Variants in FOXP1 observed in about 807,000 individuals in gnomAD.
The protein encoded by FOXP1 is forkhead box protein P1.
In FOXP1, 15 loss-of-function variants were observed where a neutral mutation model predicts 98.2. That is an observed-to-expected ratio of 0.15 (90% CI 0.10 to 0.24). The LOEUF (loss-of-function observed/expected upper bound fraction) is 0.24, where lower values mean the gene tolerates loss of function less well. Among genes scored for constraint, FOXP1 ranks in the 10% least tolerant of loss-of-function variants. The pLI, the probability that FOXP1 is intolerant of heterozygous loss-of-function variation, is 1.00. For synonymous variants in FOXP1, 371 were observed against 314.5 expected, an observed-to-expected ratio of 1.18 and a Z score of -1.90; for missense variants, 633 against 848.5, an observed-to-expected ratio of 0.75 and a Z score of 3.15.
chr3:71,009,392 C>T (rs2043256240), intron 12 of FOXP1, among the ~76,000 whole-genome samples: 1 of 152,040 alleles, frequency 6.6e-6, no homozygotes, highest in African/African-American at 2.4e-5. Flanking sequence ...TTTTGTACCC[C>T]AATGGCAGAG....
intron 19 of FOXP1, among the ~76,000 whole-genome samples, chr3:70,967,701 TTTTTTTTTG>T (rs2035208707): frequency 5.8e-5 from 5 of 86,518 alleles, no homozygotes; most frequent in African/African-American, 3.0e-4. Flanking sequence ...TTTTTTTTTG[TTTTTTTTTG>T]TTTTTTTTTT....
intron 2 of FOXP1, among the ~76,000 whole-genome samples, chr3:71,502,262 CG>C (rs1239246251): frequency 6.6e-6 from 1 of 152,202 alleles, no homozygotes. Flanking sequence ...GGGCAAGTGG[CG>C]GCCCGGTCCC....
At chr3:71,200,851 G>C (rs2063629472) in intron 5 of FOXP1, among the ~76,000 whole-genome samples, 1 of 152,140 alleles carries the variant, frequency 6.6e-6, no homozygotes, top group Admixed American at 6.5e-5. Flanking sequence ...CTACAGACTT[G>C]CACAAAAACC....
chr3:71,389,711 CAG>C (rs2080891233), intron 3 of FOXP1, among the ~76,000 whole-genome samples: 1 of 152,088 alleles, frequency 6.6e-6, no homozygotes, highest in African/African-American at 2.4e-5. Flanking sequence ...TGCCTCATAA[CAG>C]AGGTTCTATT....
rs75866848 is a variant in FOXP1 at position 71,132,389 on chromosome 3, G to T, written c.181-19752C>A. On this transcript the variant is annotated intron_variant, in intron 6 of 20. Coordinates refer to ENST00000649528, the MANE Select transcript of FOXP1 (RefSeq NM_001349338.3). The stretch of plus-strand genomic sequence containing the variant: ...CCTAGTAGCTTTTAAGCCAACTAGG[G>T]CAGTTCTGTAAAGGAATTATCACAA... Among the ~76,000 whole-genome samples the T allele has an allele frequency of 5.2e-3, 795 of 152,176 alleles. 3 individuals carry two copies. The highest frequency in any genetic ancestry group is 0.018 in the African/African-American group (736 of 41,504).
At chr3:71,038,011 G>A (rs1410872635) in intron 11 of FOXP1, among the ~76,000 whole-genome samples, 1 of 152,214 alleles carries the variant, frequency 6.6e-6, no homozygotes, top group African/African-American at 2.4e-5. Context: ...AGGAGAGTAG[G>A]AGTGTCGTGC....
At chr3:71,058,214 TTC>T (rs2050947555) in intron 7 of FOXP1, among the ~76,000 whole-genome samples, 1 of 152,186 alleles carries the variant, frequency 6.6e-6, no homozygotes, top group African/African-American at 2.4e-5. Context: ...TATCATTTTC[TTC>T]TCTCTTCAGT....
intron 5 of FOXP1, among the ~76,000 whole-genome samples, chr3:71,267,627 T>C (rs2069829313): frequency 6.6e-6 from 1 of 152,100 alleles, no homozygotes; most frequent in African/African-American, 2.4e-5. Context: ...CAGGTAAGGG[T>C]GGCAGATGTA....
intron 5 of FOXP1, among the ~76,000 whole-genome samples, chr3:71,215,641 C>T (rs1366576953): frequency 6.8e-6 from 1 of 147,808 alleles, no homozygotes; most frequent in Non-Finnish European, 1.5e-5. Flanking sequence ...TGAACTAACA[C>T]TGAATTCTCA....
chr3:71,057,728 G>A (rs373685959), intron 7 of FOXP1, among the ~76,000 whole-genome samples: 2 of 152,036 alleles, frequency 1.3e-5, no homozygotes, highest in African/African-American at 2.4e-5. Flanking sequence ...AGGAAATCAT[G>A]AATTAAAAAA....
At chr3:71,571,460 C>T (rs548837056) in intron 2 of FOXP1, 1 of 152,312 alleles carries the variant, frequency 6.6e-6, no homozygotes, top group African/African-American at 2.4e-5. Flanking sequence ...TTTTGTTTAA[C>T]ATCTCTAGTC....
intron 3 of FOXP1, among the ~76,000 whole-genome samples, chr3:71,461,220 G>A (rs887511723): frequency 6.6e-6 from 1 of 152,144 alleles, no homozygotes; most frequent in Non-Finnish European, 1.5e-5. Flanking sequence ...GGTGGTGTGA[G>A]TCACACAGAA....
At chr3:71,041,569 A>G (rs1358288458) in intron 10 of FOXP1, 37 bp from the exon 11 acceptor site, 7 of 1,571,896 alleles carry the variant, frequency 4.5e-6, no homozygotes, top group Non-Finnish European at 6.1e-6. Flanking sequence ...ATCAATTAAC[A>G]GCTAATTCCG....
At chr3:71,062,161 T>G (rs1371399853) in intron 7 of FOXP1, among the ~76,000 whole-genome samples, 2 of 152,110 alleles carry the variant, frequency 1.3e-5, no homozygotes, top group Non-Finnish European at 2.9e-5. Flanking sequence ...CAAAAAAAAA[T>G]TCAACCATTC....
chr3:71,514,622 G>A (rs2042428164), intron 2 of FOXP1, among the ~76,000 whole-genome samples: 1 of 152,228 alleles, frequency 6.6e-6, no homozygotes, highest in Non-Finnish European at 1.5e-5. Context: ...GACATTCTGT[G>A]AAGGCTCTCC....
intron 10 of FOXP1, among the ~76,000 whole-genome samples, chr3:71,042,734 G>C (rs538710889): frequency 1.3e-5 from 2 of 151,986 alleles, no homozygotes; most frequent in Admixed American, 6.6e-5. Context: ...CTAAGGTATC[G>C]AATTAAAAAA....
At chr3:71,527,466 C>T (rs1213168257) in intron 2 of FOXP1, among the ~76,000 whole-genome samples, 1 of 152,158 alleles carries the variant, frequency 6.6e-6, no homozygotes, top group African/African-American at 2.4e-5. Flanking sequence ...CTTCAATGTC[C>T]ACATCCAAGC....
Position 71,198,289 on chromosome 3 carries a change from A to G in FOXP1, c.93T>C (p.Gly31=), listed in dbSNP as rs2063426691. The G allele has an allele frequency of 1.2e-6, 2 of 1,613,936 alleles. No individual in the cohort carries two copies. The highest frequency in any genetic ancestry group is 2.2e-5 in the South Asian group (2 of 91,076). ...GGSNHLLECG[G]LREGRSNGET... is the part of the protein sequence containing the mutation. ...CTCCGTTGGACCGCCCCTCCCGAAG[A>G]CCGCCGCACTCTAGTAAGTGGTTGC... The change falls in exon 6 of 21, where the codon GGT becomes GGC. Residue 31 remains glycine (G), a synonymous_variant. Transcript: ENST00000649528.
intron 4 of FOXP1, among the ~76,000 whole-genome samples, chr3:71,352,816 C>T (rs2077887955): frequency 6.6e-6 from 1 of 152,050 alleles, no homozygotes; most frequent in South Asian, 2.1e-4. Flanking sequence ...ATTCTACTTC[C>T]ACCTCTCCCT....
Sources: allele counts gnomAD v4.1 joint callset (sites outside exome capture counted in the v4.1 genomes callset), GRCh38; gene constraint gnomAD v4.1.1; transcripts MANE v1.5; gene names NCBI Gene and HGNC (gene_info 2026-07-23, HGNC 2026-07-21).